GCG: variants seen among roughly 807,000 people sequenced by gnomAD.
GCG encodes the protein glucagon.
In GCG, 11 loss-of-function variants were observed where a neutral mutation model predicts 22.8. That is an observed-to-expected ratio of 0.48 (90% CI 0.30 to 0.80). The LOEUF (loss-of-function observed/expected upper bound fraction) is 0.80. Among genes scored for constraint, GCG ranks in the 30% least tolerant of loss-of-function variants. The pLI is 0.06. For synonymous variants in GCG, 89 were observed against 72.4 expected, an observed-to-expected ratio of 1.23 and a Z score of -1.16; for missense variants, 222 against 222.0, an observed-to-expected ratio of 1.00 and a Z score of 0.00.
Position 162,143,258 on chromosome 2 carries a change from A to C in GCG, c.*106T>G. ...AAATTTATTTATTGGCATGCAAAGC[A>C]ATGTGGCCTCAGAATACACCTCTTA... On this transcript the variant is annotated 3_prime_UTR_variant, in exon 6 of 6. Coordinates refer to ENST00000418842, the MANE Select transcript of GCG (RefSeq NM_002054.5). 1 of 477,408 alleles carries C rather than the reference A, an allele frequency of 2.1e-6. No individual in the cohort carries two copies. Among genetic ancestry groups the C allele is most frequent in the Non-Finnish European group, 3.7e-6 (1 of 268,310 alleles). The allele number at this position is 477,408 out of a possible 1,614,324, so 29.6% of individuals were successfully genotyped here.
chr2:162,144,438 A>G (rs553713973), intron 4 of GCG: 2 of 388,668 alleles, frequency 5.1e-6, no homozygotes, highest in East Asian at 4.5e-5. Flanking sequence ...ATTTTAGTAT[A>G]TTGACAATAC....
intron 2 of GCG, among the ~76,000 whole-genome samples, chr2:162,148,042 C>T (rs774569502): frequency 1.3e-5 from 2 of 152,082 alleles, no homozygotes; most frequent in Non-Finnish European, 2.9e-5. Flanking sequence ...CAGGAATAAT[C>T]CCTATGCCAC....
chr2:162,144,707 C>T (rs191806177), intron 4 of GCG: 2 of 152,214 alleles, frequency 1.3e-5, no homozygotes, highest in East Asian at 3.9e-4. Context: ...TAAAAACCAA[C>T]CATTATTCTA....
chr2:162,143,113 A>T lies in GCG; in HGVS notation c.*251T>A. On this transcript the variant is annotated 3_prime_UTR_variant, in exon 6 of 6. Transcript: ENST00000418842. The stretch of plus-strand genomic sequence containing the variant: ...AAATGTAAACAGGTTGGGGTACTTC[A>T]TCCAAAATAAGAAGAAAATAACAGA... 1 of 358,194 alleles carries T rather than the reference A, an allele frequency of 2.8e-6. No homozygotes were observed. Among genetic ancestry groups the T allele is most frequent in the Non-Finnish European group, 5.1e-6 (1 of 194,440 alleles). The allele number at this position is 358,194 out of a possible 1,614,324, so 22.2% of individuals were successfully genotyped here. A position where few individuals can be genotyped will look rare whatever the true frequency, so the allele number is the denominator to read the frequency against.
At chr2:162,149,281 T>C in intron 1 of GCG, 94 bp from the exon 2 acceptor site, 1 of 693,002 alleles carries the variant, frequency 1.4e-6, no homozygotes, top group Non-Finnish European at 2.6e-6. Flanking sequence ...TAGATAAATA[T>C]CATAAGTAGA....
rs757967950 is a variant in GCG, at chr2:162,147,349, T to C, written c.254+4A>G. 2.5e-6 allele frequency: 4 copies of C among 1,610,782 alleles called. 1 individual carries two copies. The highest frequency in any genetic ancestry group is 2.2e-5 in the South Asian group (2 of 90,946). The stretch of plus-strand genomic sequence containing the variant: ...CAAGTTTTGAGCCAGGCTTAGACTC[T>C]TACCTGTTCCTCTTGGTATTCATCA... On this transcript the variant is annotated splice_donor_region_variant and intron_variant, in intron 3 of 5. Coordinates refer to ENST00000418842, the MANE Select transcript of GCG (RefSeq NM_002054.5).
chr2:162,147,407 T>G lies in GCG; in HGVS notation c.200A>C (p.Asp67Ala), dbSNP rs1360578889. 1 of 1,612,948 alleles carries G rather than the reference T, an allele frequency of 6.2e-7. No individual in the cohort carries two copies. Among genetic ancestry groups the G allele is most frequent in the Non-Finnish European group, 8.5e-7 (1 of 1,179,120 alleles). The part of the protein sequence containing the change: ...TFTSDYSKYL[D>A]SRRAQDFVQW... ...CACAAAATCTTGGGCACGCCTGGAG[T>G]CCAGATACTTGCTGTAGTCACTGGT... is the stretch of plus-strand genomic sequence containing the variant. Residue 67 changes from aspartate (D) to alanine (A), a missense_variant, in exon 3 of 6, where the codon GAC becomes GCC. Physicochemically the swap from Asp to Ala is moderately radical, Grantham distance 126. Transcript: ENST00000418842.
At chr2:162,148,519 A>G (rs1686751493) in intron 2 of GCG, among the ~76,000 whole-genome samples, 1 of 152,098 alleles carries the variant, frequency 6.6e-6, no homozygotes, top group South Asian at 2.1e-4. Context: ...ATAATAATAC[A>G]ATGTTAAGAT....
intron 2 of GCG, among the ~76,000 whole-genome samples, chr2:162,147,758 G>C (rs968707441): frequency 2.2e-4 from 34 of 151,896 alleles, no homozygotes; most frequent in African/African-American, 8.0e-4. Flanking sequence ...CTTTTTTTCT[G>C]AAATAGGATT....
intron 3 of GCG, among the ~76,000 whole-genome samples, chr2:162,147,087 C>T (rs1449133722): frequency 6.6e-6 from 1 of 152,006 alleles, no homozygotes; most frequent in African/African-American, 2.4e-5. Context: ...AATGAGTAAG[C>T]AAGTAAATAT....
At chr2:162,150,065 T>C (rs960390808) in intron 1 of GCG, among the ~76,000 whole-genome samples, 4 of 152,076 alleles carry the variant, frequency 2.6e-5, no homozygotes, top group Non-Finnish European at 4.4e-5. Flanking sequence ...GCAGATGCCC[T>C]GCGAAGCCAT....
At chr2:162,145,928 C>T (rs939917387) in intron 3 of GCG, among the ~76,000 whole-genome samples, 3 of 152,112 alleles carry the variant, frequency 2.0e-5, no homozygotes, top group Non-Finnish European at 4.4e-5. Context: ...CTGCAATCCC[C>T]TGCTTATGTA....
intron 1 of GCG, 33 bp from the exon 2 acceptor site, chr2:162,149,220 G>T (rs757576618): frequency 2.4e-6 from 3 of 1,236,348 alleles, no homozygotes; most frequent in South Asian, 2.5e-5. Flanking sequence ...TAGGGTGAGG[G>T]GGGCAGGCAA....
chr2:162,147,762 T>C (rs1478556502), intron 2 of GCG, among the ~76,000 whole-genome samples: 1 of 152,168 alleles, frequency 6.6e-6, no homozygotes, highest in Non-Finnish European at 1.5e-5. Flanking sequence ...TTTTCTGAAA[T>C]AGGATTAAAC....
Position 162,147,350 on chromosome 2 carries a change from T to C in GCG, c.254+3A>G, listed in dbSNP as rs1386719392. ...AAGTTTTGAGCCAGGCTTAGACTCT[T>C]ACCTGTTCCTCTTGGTATTCATCAA... On this transcript the variant is annotated splice_donor_region_variant and intron_variant, in intron 3 of 5. Coordinates refer to ENST00000418842, the MANE Select transcript of GCG (RefSeq NM_002054.5). 1 of 1,611,324 alleles carries C rather than the reference T, an allele frequency of 6.2e-7. No homozygotes were observed. The highest frequency in any genetic ancestry group is 2.2e-5 in the East Asian group (1 of 44,824).
intron 1 of GCG, among the ~76,000 whole-genome samples, chr2:162,151,414 G>GT (rs1211649561): frequency 1.3e-5 from 2 of 151,970 alleles, no homozygotes; most frequent in Non-Finnish European, 2.9e-5. Flanking sequence ...TTGTAAATTT[G>GT]TTTTTTGTCT....
chr2:162,143,939 C>A (rs1410518668), intron 5 of GCG, 88 bp downstream of exon 5: 3 of 1,075,376 alleles, frequency 2.8e-6, no homozygotes, highest in Admixed American at 3.8e-5. Context: ...ATAGACTTTC[C>A]CCCTACATGG....
chr2:162,144,229 G>C, intron 4 of GCG, 59 bp from the exon 5 acceptor site: 5 of 1,307,086 alleles, frequency 3.8e-6, no homozygotes, highest in Non-Finnish European at 5.5e-6. Context: ...AATGATCACA[G>C]ATTGTCTACC....
At chr2:162,146,511 G>C (rs1418192979) in intron 3 of GCG, among the ~76,000 whole-genome samples, 1 of 148,552 alleles carries the variant, frequency 6.7e-6, no homozygotes, top group Non-Finnish European at 1.5e-5. Flanking sequence ...TAGCAACTCT[G>C]TTTCTCCTAT....
Sources: gnomAD v4.1 joint callset for allele counts (sites outside exome capture counted in the v4.1 genomes callset) on GRCh38, gnomAD v4.1.1 for gene constraint, MANE v1.5 for transcripts, NCBI Gene and HGNC (gene_info 2026-07-23, HGNC 2026-07-21) for gene names.